NCF2: variants seen among roughly 807,000 people sequenced by gnomAD.
NCF2 encodes neutrophil cytosolic factor 2, also known as neutrophil cytosol factor 2.
Under a neutral mutation model 70.9 loss-of-function variants are expected in NCF2, and 45 were observed. The observed-to-expected ratio is 0.63, with a 90% confidence interval of 0.50 to 0.81. The LOEUF is 0.81. Among genes scored for constraint, NCF2 ranks in the 40% least tolerant of loss-of-function variants. The pLI is 0.00. For synonymous variants in NCF2, 203 were observed against 233.6 expected (o/e 0.87, Z 1.19); for missense variants, 522 against 631.6 (o/e 0.83, Z 1.86).
In NCF2 at chr1:183,569,178, T is replaced by C; in HGVS notation, c.677A>G (p.Glu226Gly). ...GFAPLQPQAA[E>G]PPPRPKTPEI... is the part of the protein sequence containing the mutation. ...TGGGGTTTTCGGTCTGGGTGGAGGCTCAGCTGCCTATTGAACATTCAGGAG... is the reference window on the plus strand; with the variant it reads ...TGGGGTTTTCGGTCTGGGTGGAGGCCCAGCTGCCTATTGAACATTCAGGAG... The change falls in exon 7 of 15, where the codon GAG (glutamate) becomes GGG (glycine). Residue 226 changes from glutamate to glycine, a missense_variant. By Grantham distance (98) the Glu-to-Gly change is moderately conservative (BLOSUM62 -2). Transcript: ENST00000367535. The C allele has an allele frequency of 6.2e-7, 1 of 1,614,104 alleles. No homozygotes were observed. Among genetic ancestry groups the C allele is most frequent in the Non-Finnish European group, 8.5e-7 (1 of 1,179,994 alleles).
In NCF2 at chr1:183,563,324, G is replaced by C; in HGVS notation, c.1179-18C>G. 1 of 1,613,814 alleles carries C rather than the reference G, an allele frequency of 6.2e-7. No individual in the cohort carries two copies. The highest frequency in any genetic ancestry group is 8.5e-7 in the Non-Finnish European group (1 of 1,179,848). ...GCCGATAGCTGGGTGGGGATAATGA[G>C]TAAGAATCCAGTCAAAGAACATCAT... On this transcript the variant is annotated intron_variant, in intron 12 of 14. Transcript: ENST00000367535.
At chr1:183,565,552 A>G (rs747747590) in intron 10 of NCF2, 152 bp downstream of exon 10, 7 of 733,204 alleles carry the variant, frequency 9.5e-6, no homozygotes, top group Non-Finnish European at 1.4e-5. Context: ...TGGTGCAGGA[A>G]AGGGGGATTC....
chr1:183,595,839 T>C (rs974529989), upstream of NCF2, among the ~76,000 whole-genome samples: 1 of 152,166 alleles, frequency 6.6e-6, no homozygotes, highest in South Asian at 2.1e-4. Flanking sequence ...ACCTTTGCCA[T>C]GTTCTATTGA....
intron 2 of NCF2, 30 bp downstream of exon 2, chr1:183,586,865 C>A (rs1228631176): frequency 6.2e-7 from 1 of 1,602,356 alleles, no homozygotes; most frequent in South Asian, 1.1e-5. Flanking sequence ...CTCTGAAATC[C>A]TCCAGTTGGT....
At chr1:183,563,795 C>T in intron 11 of NCF2, 1 of 808,706 alleles carries the variant, frequency 1.2e-6, no homozygotes, top group South Asian at 1.6e-5. Flanking sequence ...TGAGTAAGAT[C>T]TGGCCCACTA....
chr1:183,594,951 A>G (rs1673741300), upstream of NCF2, among the ~76,000 whole-genome samples: 1 of 152,214 alleles, frequency 6.6e-6, no homozygotes, highest in Non-Finnish European at 1.5e-5. Context: ...TCCTCAAAGG[A>G]TAGAGCCAAC....
the NCF2 span, among the ~76,000 whole-genome samples, chr1:183,601,633 G>A: frequency 1.4e-3 from 218 of 152,088 alleles, 1 homozygote; most frequent in African/African-American, 5.1e-3. Flanking sequence ...TGAGGCGGGT[G>A]GGTCACGAGG....
At chr1:183,599,425 T>TCTTTCTTTCTTTCTTTCTTTCTTTC in the NCF2 span, among the ~76,000 whole-genome samples, 10 of 75,954 alleles carry the variant, frequency 1.3e-4, no homozygotes, top group African/African-American at 4.1e-4. Context: ...TTTCTTTCCT[T>TCTTTCTTTCTTTCTTTCTTTCTTTC]CTTTCTTTCT....
the NCF2 span, among the ~76,000 whole-genome samples, chr1:183,600,152 A>G: frequency 6.6e-6 from 1 of 152,238 alleles, no homozygotes; most frequent in East Asian, 1.9e-4. Flanking sequence ...AGTTTGATAA[A>G]GACAAATGTA....
chr1:183,584,235 G>C (rs1393506407), intron 2 of NCF2, among the ~76,000 whole-genome samples: 2 of 152,216 alleles, frequency 1.3e-5, no homozygotes, highest in African/African-American at 4.8e-5. Flanking sequence ...GTGTGTGCTT[G>C]AAAGTGTATT....
At chr1:183,560,371 G>T in intron 13 of NCF2, 98 bp from the exon 14 acceptor site, 2 of 1,334,826 alleles carry the variant, frequency 1.5e-6, no homozygotes, top group Non-Finnish European at 2.2e-6. Flanking sequence ...TAGAACCTGG[G>T]ATATAAACTC....
Position 183,586,958 on chromosome 1 carries a change from T to C in NCF2, c.194A>G (p.Asn65Ser), listed in dbSNP as rs778546412. 33 of 1,614,006 alleles carry C rather than the reference T, an allele frequency of 2.0e-5. No individual in the cohort carries two copies. Among genetic ancestry groups the C allele is most frequent in the Admixed American group, 5.0e-5 (3 of 60,000 alleles). ...EAEKAFTRSI[N>S]RDKHLAVAYF... ...AGCCACTGCCAAGTGCTTGTCTCGG[T>C]TAATGCTTCTGGTAAAGGCCTGAGG... Residue 65 changes from asparagine (N) to serine (S), a missense_variant, in exon 2 of 15, where the codon AAC becomes AGC. Transcript: ENST00000367535.
Position 183,563,276 on chromosome 1 carries a change from C to T in NCF2, c.1209G>A (p.Val403=), listed in dbSNP as rs1672152222. ...CCTTCATGCTGTCTTCTGAAAGGGG[C>T]ACCAGCTCATTGCTGTCCCGAGGCC... ...SYRPRDSNEL[V]PLSEDSMKDA... Residue 403 remains valine, a synonymous_variant, in exon 13 of 15, where the codon GTG becomes GTA. Coordinates refer to ENST00000367535, the MANE Select transcript of NCF2 (RefSeq NM_000433.4). 1 of 1,614,180 alleles carries T rather than the reference C, an allele frequency of 6.2e-7. No homozygotes were observed. Among genetic ancestry groups the T allele is most frequent in the Non-Finnish European group, 8.5e-7 (1 of 1,180,028 alleles).
upstream of NCF2, among the ~76,000 whole-genome samples, chr1:183,591,593 C>T (rs1024857862): frequency 2.6e-5 from 4 of 151,878 alleles, no homozygotes; most frequent in Non-Finnish European, 5.9e-5. Context: ...AGCAATTCTC[C>T]TGCCTCAGCC....
chr1:183,567,026 A>G, intron 8 of NCF2, 38 bp from the exon 9 acceptor site: 1 of 1,613,570 alleles, frequency 6.2e-7, no homozygotes, highest in Non-Finnish European at 8.5e-7. Context: ...AGGAAAAAAT[A>G]AAGATGTGCT....
chr1:183,570,662 G>C lies in NCF2; in HGVS notation c.669+118C>G, dbSNP rs543577856. The C allele has an allele frequency of 1.3e-4, 129 of 1,029,186 alleles. 1 individual carries two copies. Among genetic ancestry groups the C allele is most frequent in the Admixed American group, 6.0e-4 (31 of 51,538 alleles). The allele number at this position is 1,029,186 out of a possible 1,614,324, so 63.8% of individuals were successfully genotyped here. ...CAGGCAGATCCCTCAGCTGCACTGA[G>C]GGCCACTTGAAGGAGCCCTTACAAT... On this transcript the variant is annotated intron_variant, in intron 6 of 14. Transcript: ENST00000367535.
Position 183,570,831 on chromosome 1 carries a change from T to C in NCF2, c.618A>G (p.Ala206=). 3 of 1,614,192 alleles carry C rather than the reference T, an allele frequency of 1.9e-6. No individual in the cohort carries two copies. Among genetic ancestry groups the C allele is most frequent in the Non-Finnish European group, 2.5e-6 (3 of 1,180,024 alleles). The part of the protein sequence containing the change: ...KDYLGKATVV[A]SVVDQDSFSG... ...AGAAACTGTCTTGATCCACCACAGA[T>C]GCCACGACCTAAAATCAAGGACAGG... Residue 206 remains alanine, a synonymous_variant, in exon 6 of 15, where the codon GCA becomes GCG. Coordinates refer to ENST00000367535, the MANE Select transcript of NCF2 (RefSeq NM_000433.4).
chr1:183,591,359 CT>C (rs1259482435), upstream of NCF2, among the ~76,000 whole-genome samples: 3 of 152,094 alleles, frequency 2.0e-5, no homozygotes, highest in Admixed American at 2.0e-4. Context: ...TCCTTGCTCA[CT>C]TTTTTGTAAT....
At chr1:183,586,548 T>C (rs546020853) in intron 2 of NCF2, among the ~76,000 whole-genome samples, 1 of 152,268 alleles carries the variant, frequency 6.6e-6, no homozygotes, top group Non-Finnish European at 1.5e-5. Context: ...TTCATGATCA[T>C]CCCCATTCTG....
Sources: allele counts gnomAD v4.1 joint callset (sites outside exome capture counted in the v4.1 genomes callset), GRCh38; gene constraint gnomAD v4.1.1; transcripts MANE v1.5; gene names NCBI Gene and HGNC (gene_info 2026-07-23, HGNC 2026-07-21).